COQ2: variants seen among roughly 807,000 people sequenced by gnomAD.
COQ2 encodes the protein 4-hydroxybenzoate polyprenyltransferase, mitochondrial.
A neutral mutation model predicts 35.7 loss-of-function variants in COQ2; 25 were observed. The observed-to-expected ratio is 0.70, with a 90% CI of 0.51 to 0.98. COQ2 has a LOEUF of 0.98. Among genes scored for constraint, COQ2 ranks in the 50% least tolerant of loss-of-function variants. The pLI is 0.00. For missense variants in COQ2, 488 were observed against 473.5 expected, an observed-to-expected ratio of 1.03 and a Z score of -0.28; for synonymous variants, 206 against 186.2, an observed-to-expected ratio of 1.11 and a Z score of -0.86.
At chr4:83,270,021 G>A (rs1577984713) in intron 4 of COQ2, 28 bp from the exon 5 acceptor site, 3 of 1,612,322 alleles carry the variant, frequency 1.9e-6, no homozygotes, top group Non-Finnish European at 2.5e-6. Flanking sequence ...CAAAAAGGGG[G>A]AAAGTCTGTA....
intron 6 of COQ2, among the ~76,000 whole-genome samples, chr4:83,265,963 C>T (rs1433070827): frequency 6.6e-6 from 1 of 152,182 alleles, no homozygotes; most frequent in Non-Finnish European, 1.5e-5. Context: ...CTGCGCCTGG[C>T]CGAATATTCC....
At position 83,272,171 on chromosome 4, in the gene COQ2, T is replaced by A. The variant is rs1455587992; in HGVS notation, c.544A>T (p.Ile182Leu). The A allele has an allele frequency of 5.6e-6, 9 of 1,603,052 alleles. No homozygotes were observed. Among genetic ancestry groups the A allele is most frequent in the African/African-American group, 1.3e-5 (1 of 74,632 alleles). The change falls in exon 4 of 7, where the codon ATA becomes TTA. Residue 182 changes from isoleucine to leucine, a missense_variant and splice_region_variant. Transcript: ENST00000647002. The stretch of plus-strand genomic sequence containing the variant: ...AGTAAGGATCCTGCTCCCAGAGCTA[T>A]ACTGAAAAGAGGAAAAACCATTAAA... ...GVLLCLNYYSIALGAGSLLLV... is the reference protein window; with the variant it reads ...GVLLCLNYYSLALGAGSLLLV...
chr4:83,264,122 T>C lies in COQ2; in HGVS notation c.*77A>G. 2.5e-6 allele frequency: 2 copies of C among 801,786 alleles called. No individual in the cohort carries two copies. The highest frequency in any genetic ancestry group is 1.8e-5 in the African/African-American group (1 of 55,210). The allele number at this position is 801,786 out of a possible 1,614,324, so 49.7% of individuals were successfully genotyped here. A position where few individuals can be genotyped will look rare whatever the true frequency, so the allele number is the denominator to read the frequency against. ...TTCAGGTTCTTAATTCTTTAACATATTGTATCAGATTTTGTATTCAAATCT... is the reference window on the plus strand; with the variant it reads ...TTCAGGTTCTTAATTCTTTAACATACTGTATCAGATTTTGTATTCAAATCT... On this transcript the variant is annotated 3_prime_UTR_variant, in exon 7 of 7. Transcript: ENST00000647002.
chr4:83,274,512 G>C (rs1346948609), intron 2 of COQ2, among the ~76,000 whole-genome samples: 1 of 151,092 alleles, frequency 6.6e-6, no homozygotes, highest in African/African-American at 2.4e-5. Flanking sequence ...TCTTCTTAAC[G>C]GGGTCCTTAA....
chr4:83,273,429 T>C, intron 3 of COQ2, 67 bp downstream of exon 3: 1 of 1,496,746 alleles, frequency 6.7e-7, no homozygotes, highest in Non-Finnish European at 9.1e-7. Context: ...AGATATTTCA[T>C]TTTATTCCTA....
At chr4:83,264,465 A>G in intron 6 of COQ2, 102 bp from the exon 7 acceptor site, 2 of 1,464,518 alleles carry the variant, frequency 1.4e-6, no homozygotes, top group East Asian at 5.1e-5. Flanking sequence ...AATACAAAAA[A>G]TACAAATATA....
intron 1 of COQ2, among the ~76,000 whole-genome samples, chr4:83,280,938 T>C (rs377382720): frequency 6.6e-6 from 1 of 152,226 alleles, no homozygotes; most frequent in Non-Finnish European, 1.5e-5. Context: ...TTCAATGACA[T>C]CTTTATATTA....
chr4:83,270,241 T>C (rs1248903686), intron 4 of COQ2, among the ~76,000 whole-genome samples: 1 of 152,076 alleles, frequency 6.6e-6, no homozygotes, highest in Non-Finnish European at 1.5e-5. Flanking sequence ...AAAAGAATAA[T>C]ATCCCCTAAT....
intron 1 of COQ2, chr4:83,283,434 T>G: frequency 1.0e-6 from 1 of 985,438 alleles, no homozygotes; most frequent in Non-Finnish European, 1.2e-6. Flanking sequence ...ATTCTTAGTG[T>G]TCTAACACTC....
chr4:83,274,008 T>C (rs1011872557), intron 2 of COQ2, among the ~76,000 whole-genome samples: 9 of 141,576 alleles, frequency 6.4e-5, no homozygotes, highest in African/African-American at 2.2e-4. Context: ...AAAAAAAAAT[T>C]AGCCAGGTAT....
chr4:83,276,879 T>C (rs1005539060), intron 2 of COQ2, among the ~76,000 whole-genome samples: 3 of 152,166 alleles, frequency 2.0e-5, no homozygotes, highest in African/African-American at 7.2e-5. Context: ...TAAAATCACA[T>C]CATTTGCAGC....
chr4:83,275,422 T>A (rs1287343445), intron 2 of COQ2, among the ~76,000 whole-genome samples: 5 of 152,036 alleles, frequency 3.3e-5, no homozygotes, highest in African/African-American at 9.7e-5. Context: ...AGGCTTTTTT[T>A]TTTTTAATTA....
At chr4:83,278,368 C>A (rs1465425187) in intron 2 of COQ2, among the ~76,000 whole-genome samples, 1 of 152,058 alleles carries the variant, frequency 6.6e-6, no homozygotes, top group African/African-American at 2.4e-5. Flanking sequence ...GCATCAAGTT[C>A]TTAACCGAAG....
chr4:83,281,961 G>GT (rs796667190), intron 1 of COQ2, among the ~76,000 whole-genome samples: 3,427 of 142,104 alleles, frequency 0.024, 128 homozygotes, highest in African/African-American at 0.075. Flanking sequence ...TCCTAGCAAT[G>GT]TTTTTTTTTT....
At chr4:83,277,770 G>A (rs1735216399) in intron 2 of COQ2, among the ~76,000 whole-genome samples, 1 of 152,160 alleles carries the variant, frequency 6.6e-6, no homozygotes. Context: ...GGGAGTTCGA[G>A]ACCAGCCTGA....
Position 83,264,008 on chromosome 4 carries a change from A to G in COQ2, c.*191T>C. ...AACTAAAATACTCAAGGCCATCTCA[A>G]ATCCTGAAGAGTCCCTGGTTTCTGT... is the stretch of plus-strand genomic sequence containing the variant. On this transcript the variant is annotated 3_prime_UTR_variant, in exon 7 of 7. Transcript: ENST00000647002. The G allele has an allele frequency of 4.5e-6, 2 of 441,676 alleles. No individual in the cohort carries two copies. Among genetic ancestry groups the G allele is most frequent in the Non-Finnish European group, 3.9e-6 (1 of 256,248 alleles). The allele number at this position is 441,676 out of a possible 1,614,324, so 27.4% of individuals were successfully genotyped here. A position where few individuals can be genotyped will look rare whatever the true frequency, so the allele number is the denominator to read the frequency against.
At chr4:83,272,004 C>A (rs938949817) in intron 4 of COQ2, 83 bp downstream of exon 4, 26 of 879,802 alleles carry the variant, frequency 3.0e-5, no homozygotes, top group Non-Finnish European at 4.0e-5. Context: ...TTTGTCATTT[C>A]ATCTTTACCT....
At position 83,282,519 on chromosome 4, in the gene COQ2, C is replaced by T. The variant is rs570538441; in HGVS notation, c.253+1993G>A. The T allele has an allele frequency of 1.8e-3, 1,078 of 583,934 alleles. 5 individuals carry two copies. The highest frequency in any genetic ancestry group is 2.6e-3 in the Middle Eastern group (3 of 1,154). The allele number at this position is 583,934 out of a possible 1,614,324, so 36.2% of individuals were successfully genotyped here. On this transcript the variant is annotated intron_variant, in intron 1 of 6. Transcript: ENST00000647002. ...AGTACTATTTAGTTTTCTGAAAAAT[C>T]CTGTAATGATCACCTTATTTAGAAC...
Position 83,265,296 on chromosome 4 carries a change from G to T in COQ2, c.952-933C>A, listed in dbSNP as rs137995466. ...CGAAAACTGGACAGAGAGGCCAGGCGTGGTGGCTCATGCCTGTAATCCCAG... is the reference window on the plus strand; with the variant it reads ...CGAAAACTGGACAGAGAGGCCAGGCTTGGTGGCTCATGCCTGTAATCCCAG... On this transcript the variant is annotated intron_variant, in intron 6 of 6. Coordinates refer to ENST00000647002, the MANE Select transcript of COQ2 (RefSeq NM_001358921.2). 6.9e-3 allele frequency among the ~76,000 whole-genome samples: 1,055 copies of T among 152,224 alleles called. 5 individuals are homozygous for T. The highest frequency in any genetic ancestry group is 0.014 in the Middle Eastern group (4 of 294).
Sources: gnomAD v4.1 joint callset for allele counts (sites outside exome capture counted in the v4.1 genomes callset) on GRCh38, gnomAD v4.1.1 for gene constraint, MANE v1.5 for transcripts, NCBI Gene and HGNC (gene_info 2026-07-23, HGNC 2026-07-21) for gene names.